The following RBMS3 variants were observed in gnomAD, a reference collection of about 807,000 sequenced individuals.
RBMS3 encodes the protein RNA binding motif single stranded interacting protein 3, also known as RNA-binding motif, single-stranded-interacting protein 3.
RBMS3 carries 27 observed loss-of-function variants against 66.8 expected under a neutral mutation model. The ratio of observed to expected loss-of-function variants is 0.40; its 90% CI spans 0.30 to 0.56. RBMS3 has a LOEUF of 0.56. Among genes scored for constraint, RBMS3 ranks in the 20% least tolerant of loss-of-function variants. RBMS3 has a pLI of 0.40. For synonymous variants in RBMS3, 188 were observed against 183.0 expected, an observed-to-expected ratio of 1.03 and a Z score of -0.22; for missense variants, 513 against 549.5, an observed-to-expected ratio of 0.93 and a Z score of 0.66.
At chr3:29,580,956 T>C (rs764764114) in intron 3 of RBMS3, among the ~76,000 whole-genome samples, 125 of 152,304 alleles carry the variant, frequency 8.2e-4, no homozygotes, top group Middle Eastern at 3.4e-3. Context: ...GCAGTCCATA[T>C]GTGGCTTCTT....
intron 1 of RBMS3, among the ~76,000 whole-genome samples, chr3:29,319,804 A>T (rs1025671542): frequency 6.6e-6 from 1 of 152,018 alleles, no homozygotes. Flanking sequence ...TAAATCTGAT[A>T]CCTAGACTTG....
At chr3:29,350,355 A>G (rs1159062626) in intron 1 of RBMS3, among the ~76,000 whole-genome samples, 2 of 152,120 alleles carry the variant, frequency 1.3e-5, no homozygotes, top group East Asian at 3.9e-4. Flanking sequence ...TGGTTCTTTC[A>G]TTTTAGAGAT....
At chr3:29,510,301 C>T (rs1203612767) in intron 3 of RBMS3, among the ~76,000 whole-genome samples, 3 of 152,100 alleles carry the variant, frequency 2.0e-5, no homozygotes, top group Non-Finnish European at 4.4e-5. Context: ...GAAGACCAGT[C>T]ACTTTACTCT....
chr3:29,584,524 G>A (rs554995857), intron 3 of RBMS3, among the ~76,000 whole-genome samples: 9 of 151,922 alleles, frequency 5.9e-5, no homozygotes, highest in Non-Finnish European at 8.8e-5. Context: ...TAGATGTCTC[G>A]GGCATTTCTG....
intron 4 of RBMS3, among the ~76,000 whole-genome samples, chr3:29,718,559 A>G (rs1576606874): frequency 6.6e-6 from 1 of 152,014 alleles, no homozygotes; most frequent in East Asian, 1.9e-4. Context: ...AAAAGTCTGG[A>G]GCATTTATTG....
At chr3:29,562,623 T>A (rs2046596405) in intron 3 of RBMS3, among the ~76,000 whole-genome samples, 1 of 152,198 alleles carries the variant, frequency 6.6e-6, no homozygotes, top group African/African-American at 2.4e-5. Context: ...ATATGGTTAC[T>A]TGGTTATCAA....
chr3:29,702,498 CTG>C (rs1284966953), intron 4 of RBMS3, among the ~76,000 whole-genome samples: 2 of 152,206 alleles, frequency 1.3e-5, no homozygotes, highest in African/African-American at 4.8e-5. Context: ...CTCTTTCACT[CTG>C]TGGAAGCTTT....
chr3:29,687,472 A>AT (rs1435226398), intron 4 of RBMS3, among the ~76,000 whole-genome samples: 7 of 152,224 alleles, frequency 4.6e-5, no homozygotes, highest in Admixed American at 2.0e-4. Flanking sequence ...TTCCTTCAAC[A>AT]TGAAGACATT....
chr3:29,726,425 G>C (rs2053878919), intron 4 of RBMS3, among the ~76,000 whole-genome samples: 1 of 152,160 alleles, frequency 6.6e-6, no homozygotes, highest in Non-Finnish European at 1.5e-5. Context: ...AATTGTCTCT[G>C]TTTGCAGATG....
chr3:29,665,197 G>A (rs2050704864), intron 4 of RBMS3, among the ~76,000 whole-genome samples: 2 of 152,084 alleles, frequency 1.3e-5, no homozygotes, highest in Non-Finnish European at 2.9e-5. Context: ...ATGTGTGGTG[G>A]ACTATGTGGA....
At chr3:29,578,958 C>T (rs2047228220) in intron 3 of RBMS3, among the ~76,000 whole-genome samples, 1 of 144,750 alleles carries the variant, frequency 6.9e-6, no homozygotes, top group African/African-American at 2.6e-5. Context: ...CCCGCCACCG[C>T]GCCCGGCTAA....
chr3:29,598,260 A>G (rs2048024489), intron 4 of RBMS3, among the ~76,000 whole-genome samples: 1 of 152,086 alleles, frequency 6.6e-6, no homozygotes, highest in Non-Finnish European at 1.5e-5. Flanking sequence ...CCCAGAAAAT[A>G]TTGATTTGCT....
At chr3:29,413,974 T>C (rs1021738317) in intron 1 of RBMS3, among the ~76,000 whole-genome samples, 10 of 152,218 alleles carry the variant, frequency 6.6e-5, no homozygotes, top group Non-Finnish European at 1.5e-4. Flanking sequence ...CATAGACACA[T>C]CTATGCTTCC....
At chr3:29,978,559 A>G (rs1379195811) in intron 12 of RBMS3, among the ~76,000 whole-genome samples, 1 of 152,154 alleles carries the variant, frequency 6.6e-6, no homozygotes, top group Non-Finnish European at 1.5e-5. Context: ...TTATTTTAAG[A>G]AAAGAAACAT....
At chr3:29,426,061 A>G (rs1006589668) in intron 1 of RBMS3, among the ~76,000 whole-genome samples, 3 of 152,208 alleles carry the variant, frequency 2.0e-5, no homozygotes, top group Non-Finnish European at 4.4e-5. Flanking sequence ...TCATTATTCC[A>G]CAAGGAACCA....
chr3:29,834,608 T>C (rs1297955682), intron 6 of RBMS3, among the ~76,000 whole-genome samples: 2 of 151,898 alleles, frequency 1.3e-5, no homozygotes, highest in Non-Finnish European at 2.9e-5. Flanking sequence ...CTAAAGGTAA[T>C]CATGAAGCAA....
At chr3:29,368,170 T>G in intron 1 of RBMS3, among the ~76,000 whole-genome samples, 1 of 152,148 alleles carries the variant, frequency 6.6e-6, no homozygotes, top group Middle Eastern at 3.2e-3. Flanking sequence ...TTGAGAAGTT[T>G]TATCCTGAAA....
intron 3 of RBMS3, among the ~76,000 whole-genome samples, chr3:29,495,902 C>A (rs749670919): frequency 2.0e-5 from 3 of 152,018 alleles, no homozygotes; most frequent in African/African-American, 7.2e-5. Flanking sequence ...TTAACTCTGG[C>A]GGATAACAGA....
intron 1 of RBMS3, among the ~76,000 whole-genome samples, chr3:29,296,720 A>G (rs910347028): frequency 2.0e-5 from 3 of 151,816 alleles, no homozygotes; most frequent in African/African-American, 7.2e-5. Context: ...TCCTAGAAGA[A>G]AAGTTAGACC....
Sources: allele counts gnomAD v4.1 joint callset (sites outside exome capture counted in the v4.1 genomes callset), GRCh38; gene constraint gnomAD v4.1.1; transcripts MANE v1.5; gene names NCBI Gene and HGNC (gene_info 2026-07-23, HGNC 2026-07-21).